Variants in EPHA7 observed in about 807,000 individuals in gnomAD.
EPHA7 encodes the protein ephrin type-A receptor 7.
A neutral mutation model predicts 112.6 loss-of-function variants in EPHA7; 25 were observed. The observed-to-expected ratio is 0.22, with a 90% CI of 0.16 to 0.31. The LOEUF (loss-of-function observed/expected upper bound fraction) is 0.31. Ranked by LOEUF, EPHA7 falls within the 10% of genes least tolerant of loss-of-function variation. The probability of loss-of-function intolerance (pLI) is 1.00; values close to 1 mark genes in which losing one functional copy is unlikely to be tolerated. For missense variants in EPHA7, 962 were observed against 1,212.6 expected (o/e 0.79, Z 3.07); for synonymous variants, 437 against 406.5 (o/e 1.07, Z -0.90).
intron 5 of EPHA7, among the ~76,000 whole-genome samples, chr6:93,348,458 T>C (rs1775519666): frequency 1.3e-5 from 2 of 151,966 alleles, no homozygotes; most frequent in African/African-American, 4.8e-5. Context: ...ATAAAAGATA[T>C]AAATTAATTA....
intron 13 of EPHA7, among the ~76,000 whole-genome samples, chr6:93,255,229 T>C (rs1022810226): frequency 6.6e-6 from 1 of 151,868 alleles, no homozygotes; most frequent in Non-Finnish European, 1.5e-5. Context: ...GCGCCTGTTA[T>C]CCTAGCTACT....
In EPHA7 at chr6:93,361,274, T is replaced by C. The variant is rs145025392; in HGVS notation, c.833-2863A>G. Among the ~76,000 whole-genome samples the C allele has an allele frequency of 2.6e-3, 393 of 152,186 alleles. 4 individuals carry two copies. Among genetic ancestry groups the C allele is most frequent in the African/African-American group, 9.1e-3 (379 of 41,558 alleles). On this transcript the variant is annotated intron_variant, in intron 3 of 16. Transcript: ENST00000369303. ...AATAATAAGTTGAAGCAAGCCAGTTTTCATTTGATCTCAAAGGAAACTACC... is the reference window on the plus strand; with the variant it reads ...AATAATAAGTTGAAGCAAGCCAGTTCTCATTTGATCTCAAAGGAAACTACC...
chr6:93,416,905 C>T (rs1779261472), intron 1 of EPHA7, among the ~76,000 whole-genome samples: 1 of 152,024 alleles, frequency 6.6e-6, no homozygotes, highest in Non-Finnish European at 1.5e-5. Flanking sequence ...GCGGGGGCTG[C>T]CAGACGGGCG....
rs1769634238 is a variant in EPHA7 at position 93,240,244 on chromosome 6, C to T, written c.*3182G>A. ...CGCCCCGAGTTCCCCATGATTTCTC[C>T]ACATATAGCAAAAAAATACACATCA... On this transcript the variant is annotated 3_prime_UTR_variant, in exon 17 of 17. Coordinates refer to ENST00000369303, the MANE Select transcript of EPHA7 (RefSeq NM_004440.4). The T allele has an allele frequency of 4.5e-6, 1 of 224,206 alleles. No homozygotes were observed. The highest frequency in any genetic ancestry group is 8.9e-6 in the Non-Finnish European group (1 of 112,564). The allele number at this position is 224,206 out of a possible 1,614,324, so 13.9% of individuals were successfully genotyped here. A position where few individuals can be genotyped will look rare whatever the true frequency, so the allele number is the denominator to read the frequency against.
At chr6:93,414,308 A>G (rs1287683823) in intron 2 of EPHA7, among the ~76,000 whole-genome samples, 1 of 151,966 alleles carries the variant, frequency 6.6e-6, no homozygotes, top group Non-Finnish European at 1.5e-5. Flanking sequence ...ATAGGAAAAC[A>G]GATTGATTAC....
intron 5 of EPHA7, among the ~76,000 whole-genome samples, chr6:93,282,933 G>C (rs998776212): frequency 1.3e-5 from 2 of 152,168 alleles, no homozygotes; most frequent in Admixed American, 6.5e-5. Flanking sequence ...CCCGAGGAGC[G>C]CTGCCCCCTT....
intron 3 of EPHA7, among the ~76,000 whole-genome samples, chr6:93,372,523 G>C (rs752959587): frequency 2.0e-5 from 3 of 152,060 alleles, no homozygotes; most frequent in Non-Finnish European, 4.4e-5. Context: ...GATTTTCCCA[G>C]ACTGAAATCC....
chr6:93,292,825 T>G (rs75504193), intron 5 of EPHA7, among the ~76,000 whole-genome samples: 4,256 of 152,244 alleles, frequency 0.028, 78 homozygotes, highest in Middle Eastern at 0.054. Flanking sequence ...GTGATAAGAC[T>G]GGAAGATAGT....
intron 14 of EPHA7, among the ~76,000 whole-genome samples, chr6:93,251,916 G>C (rs909669307): frequency 1.3e-5 from 2 of 151,974 alleles, no homozygotes; most frequent in Non-Finnish European, 2.9e-5. Context: ...AACTGAATCC[G>C]ACTGTTTCCA....
intron 3 of EPHA7, among the ~76,000 whole-genome samples, chr6:93,376,629 T>C (rs1271056208): frequency 6.6e-6 from 1 of 152,166 alleles, no homozygotes; most frequent in Non-Finnish European, 1.5e-5. Context: ...ATTTAATGTC[T>C]TCCGTATCAA....
At chr6:93,360,440 T>A (rs1484858901) in intron 3 of EPHA7, among the ~76,000 whole-genome samples, 1 of 151,966 alleles carries the variant, frequency 6.6e-6, no homozygotes, top group Non-Finnish European at 1.5e-5. Flanking sequence ...TACAGACAAA[T>A]AAGAGGTGTG....
chr6:93,363,163 CATT>C (rs1036939030), intron 3 of EPHA7, among the ~76,000 whole-genome samples: 5 of 152,012 alleles, frequency 3.3e-5, no homozygotes, highest in African/African-American at 1.2e-4. Flanking sequence ...ATAATTAAAT[CATT>C]ATTAGGGCCT....
chr6:93,374,403 T>A (rs2127963598), intron 3 of EPHA7, among the ~76,000 whole-genome samples: 1 of 152,310 alleles, frequency 6.6e-6, no homozygotes, highest in Non-Finnish European at 1.5e-5. Flanking sequence ...ATACCCTCAC[T>A]AAAATCTTGC....
intron 5 of EPHA7, among the ~76,000 whole-genome samples, chr6:93,344,820 C>T (rs1775315200): frequency 6.6e-6 from 1 of 151,516 alleles, no homozygotes; most frequent in African/African-American, 2.4e-5. Context: ...GGCCACCCCT[C>T]TTTGGTCTTT....
chr6:93,289,695 C>T (rs1772260865), intron 5 of EPHA7, among the ~76,000 whole-genome samples: 1 of 152,076 alleles, frequency 6.6e-6, no homozygotes, highest in African/African-American at 2.4e-5. Context: ...TAAGGTTTAC[C>T]TTATTTTAAA....
chr6:93,328,759 T>C (rs1300617832), intron 5 of EPHA7, among the ~76,000 whole-genome samples: 1 of 151,308 alleles, frequency 6.6e-6, no homozygotes, highest in Non-Finnish European at 1.5e-5. Flanking sequence ...ACATAATCAA[T>C]GTGCTCCCTC....
intron 5 of EPHA7, among the ~76,000 whole-genome samples, chr6:93,314,894 G>C (rs1365154797): frequency 1.7e-5 from 2 of 116,020 alleles, no homozygotes; most frequent in East Asian, 4.9e-4. Flanking sequence ...ACGGAGTCTC[G>C]CTCTGTCGCC....
chr6:93,292,935 A>C (rs1245909979), intron 5 of EPHA7, among the ~76,000 whole-genome samples: 3 of 152,116 alleles, frequency 2.0e-5, no homozygotes, highest in African/African-American at 7.2e-5. Flanking sequence ...CTTTAAATTC[A>C]TGCTGATCTG....
intron 5 of EPHA7, among the ~76,000 whole-genome samples, chr6:93,325,604 G>C (rs561793979): frequency 5.8e-4 from 88 of 151,208 alleles, no homozygotes; most frequent in African/African-American, 2.1e-3. Context: ...AAAAATAATA[G>C]ATAAGATAAA....
Sources: allele counts gnomAD v4.1 joint callset (sites outside exome capture counted in the v4.1 genomes callset), GRCh38; gene constraint gnomAD v4.1.1; transcripts MANE v1.5; gene names NCBI Gene and HGNC (gene_info 2026-07-23, HGNC 2026-07-21).